PARD3B: variants seen among roughly 807,000 people sequenced by gnomAD.
PARD3B encodes partitioning defective 3 homolog B.
Under a neutral mutation model 130.2 loss-of-function variants are expected in PARD3B, and 103 were observed. The observed-to-expected ratio is 0.79, with a 90% confidence interval of 0.67 to 0.93. The LOEUF (loss-of-function observed/expected upper bound fraction) is 0.93. PARD3B is among the 40% of genes least tolerant of loss of function. The probability of loss-of-function intolerance (pLI) is 0.00; values close to 1 mark genes in which losing one functional copy is unlikely to be tolerated. For missense variants in PARD3B, 1,609 were observed against 1,499.2 expected (o/e 1.07, Z -1.21); for synonymous variants, 583 against 553.2 (o/e 1.05, Z -0.76).
chr2:204,765,056 G>A, intron 2 of PARD3B, among the ~76,000 whole-genome samples: 1 of 152,122 alleles, frequency 6.6e-6, no homozygotes. Flanking sequence ...AGATTTACCA[G>A]TGTATTTTTT....
rs796827843 is a variant in PARD3B, at chr2:205,129,715, C to T, written c.1434+3978C>T. Among the ~76,000 whole-genome samples, 24 of 152,298 alleles carry T rather than the reference C, an allele frequency of 1.6e-4. 1 individual carries two copies. The highest frequency in any genetic ancestry group is 1.2e-3 in the South Asian group (6 of 4,826). ...CAGCACTGCACTGCCTAGTTTCCGACGCTTAAATCTTCCTTACTTCCTTGT... is the reference window on the plus strand; with the variant it reads ...CAGCACTGCACTGCCTAGTTTCCGATGCTTAAATCTTCCTTACTTCCTTGT... On this transcript the variant is annotated intron_variant, in intron 10 of 22. Transcript: ENST00000406610.
At chr2:205,492,029 G>A (rs2049738264) in intron 20 of PARD3B, among the ~76,000 whole-genome samples, 1 of 152,130 alleles carries the variant, frequency 6.6e-6, no homozygotes, top group African/African-American at 2.4e-5. Flanking sequence ...CAGTTTCTCA[G>A]GTTGCCCACA....
At chr2:205,302,950 G>A (rs1348318634) in intron 18 of PARD3B, among the ~76,000 whole-genome samples, 1 of 152,100 alleles carries the variant, frequency 6.6e-6, no homozygotes, top group Non-Finnish European at 1.5e-5. Flanking sequence ...TTGACTAGAC[G>A]GGGCTCAACA....
At chr2:205,036,513 AAT>A (rs756008004) in intron 3 of PARD3B, among the ~76,000 whole-genome samples, 1 of 148,718 alleles carries the variant, frequency 6.7e-6, no homozygotes, top group Admixed American at 6.8e-5. Context: ...ATATATAAAA[AAT>A]ATATATATAG....
At position 205,568,031 on chromosome 2, in the gene PARD3B, A is replaced by G. The variant is rs1255865798; in HGVS notation, c.3260+14628A>G. On this transcript the variant is annotated intron_variant, in intron 22 of 22. Transcript: ENST00000406610. The surrounding 1 kb of genome is among the most constrained non-coding windows in gnomAD (Gnocchi z 5.3). ...GTTAAGAGTTGTTCCTAAGATATCAACTCCCCAGCACTTCTTCCTGTCCAG... is the reference window on the plus strand; with the variant it reads ...GTTAAGAGTTGTTCCTAAGATATCAGCTCCCCAGCACTTCTTCCTGTCCAG... 6.6e-6 allele frequency among the ~76,000 whole-genome samples: 1 copy of G among 151,956 alleles called. No homozygotes were observed. The highest frequency in any genetic ancestry group is 1.5e-5 in the Non-Finnish European group (1 of 67,988).
chr2:204,611,299 T>C (rs2033913289), intron 1 of PARD3B, among the ~76,000 whole-genome samples: 1 of 152,122 alleles, frequency 6.6e-6, no homozygotes, highest in Admixed American at 6.5e-5. Context: ...CTTAGAAACA[T>C]CCTATTAAAA....
chr2:205,078,347 A>G lies in PARD3B; in HGVS notation c.505-26079A>G, dbSNP rs899748772. On this transcript the variant is annotated intron_variant, in intron 4 of 22. Coordinates refer to ENST00000406610, the MANE Select transcript of PARD3B (RefSeq NM_001302769.2). This position sits in a 1 kb window ranked among gnomAD's most constrained non-coding sequence, Gnocchi z 4.0. ...AATGGCTATCGCAGCATCATTCTTC[A>G]TAATTTTTATTAATTGTATGGTTTT... is the stretch of plus-strand genomic sequence containing the variant. Among the ~76,000 whole-genome samples the G allele has an allele frequency of 6.6e-6, 1 of 152,186 alleles. No individual in the cohort carries two copies. The highest frequency in any genetic ancestry group is 2.4e-5 in the African/African-American group (1 of 41,458).
At position 205,274,731 on chromosome 2, in the gene PARD3B, C is replaced by T. The variant is rs1238156097; in HGVS notation, c.2186-25799C>T. 1.3e-5 allele frequency among the ~76,000 whole-genome samples: 2 copies of T among 151,992 alleles called. No individual in the cohort carries two copies. The highest frequency in any genetic ancestry group is 1.9e-4 in the East Asian group (1 of 5,188). ...AGCACCAAATGCAGAATTTATTATG[C>T]AACTTTTAAGCCCTCTACAGAAATC... On this transcript the variant is annotated intron_variant, in intron 16 of 22. Coordinates refer to ENST00000406610, the MANE Select transcript of PARD3B (RefSeq NM_001302769.2). This position sits in a 1 kb window ranked among gnomAD's most constrained non-coding sequence, Gnocchi z 4.2.
intron 2 of PARD3B, among the ~76,000 whole-genome samples, chr2:204,797,174 C>CAAA (rs1162381095): frequency 1.9e-4 from 10 of 52,940 alleles, no homozygotes; most frequent in Admixed American, 5.7e-4. Context: ...GACTCTGTCT[C>CAAA]AAAAAAAAAA....
At chr2:205,251,795 C>G (rs1383742097) in intron 16 of PARD3B, among the ~76,000 whole-genome samples, 1 of 152,146 alleles carries the variant, frequency 6.6e-6, no homozygotes, top group Non-Finnish European at 1.5e-5. Context: ...GAACTCTTTT[C>G]TTTCCTCATC....
chr2:204,670,725 T>C (rs557589945), intron 1 of PARD3B, among the ~76,000 whole-genome samples: 1 of 152,344 alleles, frequency 6.6e-6, no homozygotes, highest in Admixed American at 6.5e-5. Context: ...TCAGTGTTTT[T>C]ACTGTTATGA....
intron 2 of PARD3B, among the ~76,000 whole-genome samples, chr2:204,928,016 A>G (rs966106650): frequency 3.9e-5 from 6 of 152,156 alleles, no homozygotes; most frequent in Admixed American, 6.5e-5. Context: ...AGCATTTTTC[A>G]TTGCCCATGA....
intron 18 of PARD3B, among the ~76,000 whole-genome samples, chr2:205,346,032 G>A (rs894154770): frequency 7.0e-5 from 9 of 129,282 alleles, no homozygotes; most frequent in East Asian, 2.4e-4. Flanking sequence ...TTAGCCGGGC[G>A]TGGTGGCGCA....
rs373923194 is a variant in PARD3B at position 205,135,501 on chromosome 2, A to G, written c.1434+9764A>G. Among the ~76,000 whole-genome samples the G allele has an allele frequency of 2.1e-4, 32 of 152,252 alleles. 1 individual carries two copies. The East Asian group carries it at 4.2e-3, about 20-fold the overall frequency. Reference sequence around the variant, plus strand: ...TGAGAGTATAGTTAGAAGTCTGAACATGTTTCATCTGCCTGGTTTTCCAGG... The same window carrying G: ...TGAGAGTATAGTTAGAAGTCTGAACGTGTTTCATCTGCCTGGTTTTCCAGG... On this transcript the variant is annotated intron_variant, in intron 10 of 22. Transcript: ENST00000406610.
intron 2 of PARD3B, among the ~76,000 whole-genome samples, chr2:204,693,157 T>A (rs897280481): frequency 4.6e-5 from 7 of 152,166 alleles, no homozygotes; most frequent in African/African-American, 7.2e-5. Flanking sequence ...GCAGTTATTT[T>A]AAAAATTTAG....
At chr2:205,044,624 A>C (rs1229207395) in intron 3 of PARD3B, among the ~76,000 whole-genome samples, 1 of 152,198 alleles carries the variant, frequency 6.6e-6, no homozygotes, top group South Asian at 2.1e-4. Context: ...GTGTCTGTTC[A>C]TGTCCTTCGC....
At chr2:204,866,940 G>A (rs1336345972) in intron 2 of PARD3B, among the ~76,000 whole-genome samples, 1 of 151,962 alleles carries the variant, frequency 6.6e-6, no homozygotes, top group Non-Finnish European at 1.5e-5. Flanking sequence ...ATGGTGGTGG[G>A]CACCTGTAAT....
Position 205,355,949 on chromosome 2 carries a change from G to A in PARD3B, c.2631-45064G>A, listed in dbSNP as rs143445003. 3.3e-5 allele frequency among the ~76,000 whole-genome samples: 5 copies of A among 152,286 alleles called. No homozygotes were observed. In the East Asian group the frequency reaches 9.7e-4, roughly 29 times the overall value. ...AAAAGCATGGGGAAACTGCCCCCAT[G>A]ATCCAATTACCTCCACCTGGTCTCT... is the stretch of plus-strand genomic sequence containing the variant. On this transcript the variant is annotated intron_variant, in intron 18 of 22. Transcript: ENST00000406610.
intron 11 of PARD3B, among the ~76,000 whole-genome samples, chr2:205,168,318 A>AGTGTGTGTGTGTGT (rs1429954131): frequency 3.3e-5 from 4 of 122,368 alleles, no homozygotes; most frequent in African/African-American, 1.2e-4. Flanking sequence ...AGAGAGAGAG[A>AGTGTGTGTGTGTGT]GAGTGTGTGT....
Sources: gnomAD v4.1 joint callset for allele counts (sites outside exome capture counted in the v4.1 genomes callset) on GRCh38, gnomAD v4.1.1 for gene constraint, Gnocchi (gnomAD v3.1) non-coding constraint, MANE v1.5 for transcripts, NCBI Gene and HGNC (gene_info 2026-07-23, HGNC 2026-07-21) for gene names.